Variants in DISP1 observed in about 807,000 individuals in gnomAD.
The protein encoded by DISP1 is dispatched RND transporter family member 1.
DISP1 carries 30 observed loss-of-function variants against 37.3 expected under a neutral mutation model. The ratio of observed to expected loss-of-function variants is 0.80; its 90% CI spans 0.60 to 1.09. The LOEUF (loss-of-function observed/expected upper bound fraction) is 1.09. Among genes scored for constraint, DISP1 ranks in the 50% least tolerant of loss-of-function variants. The pLI is 0.00. For missense variants in DISP1, 1,598 were observed against 1,879.5 expected, an observed-to-expected ratio of 0.85 and a Z score of 2.77; for synonymous variants, 634 against 690.2, an observed-to-expected ratio of 0.92 and a Z score of 1.28.
chr1:222,985,140 C>A (rs1350023400), intron 4 of DISP1, among the ~76,000 whole-genome samples: 1 of 152,130 alleles, frequency 6.6e-6, no homozygotes, highest in Non-Finnish European at 1.5e-5. Flanking sequence ...ATAAATAGGG[C>A]TTTTGCAAAT....
At chr1:222,964,589 G>A (rs1676329807) in intron 3 of DISP1, among the ~76,000 whole-genome samples, 2 of 152,162 alleles carry the variant, frequency 1.3e-5, no homozygotes, top group Admixed American at 1.3e-4. Flanking sequence ...ATAATCGTGA[G>A]GGTATAGGTG....
intron 1 of DISP1, among the ~76,000 whole-genome samples, chr1:222,870,701 G>A (rs1368999525): frequency 3.9e-5 from 6 of 152,022 alleles, no homozygotes; most frequent in Admixed American, 1.3e-4. Context: ...CCCTTTGTCC[G>A]ATGAGTAGAT....
At chr1:222,910,876 G>C (rs905216450) in intron 1 of DISP1, among the ~76,000 whole-genome samples, 1 of 152,200 alleles carries the variant, frequency 6.6e-6, no homozygotes, top group Non-Finnish European at 1.5e-5. Flanking sequence ...TTTGAGGGTA[G>C]TTTGGCCAGG....
chr1:222,863,889 T>C (rs1323755348), intron 1 of DISP1, among the ~76,000 whole-genome samples: 1 of 152,156 alleles, frequency 6.6e-6, no homozygotes, highest in East Asian at 1.9e-4. Context: ...AATAAGATAG[T>C]CTAGGTCCTT....
intron 1 of DISP1, among the ~76,000 whole-genome samples, chr1:222,849,382 A>G (rs1668101496): frequency 6.6e-6 from 1 of 152,200 alleles, no homozygotes; most frequent in Admixed American, 6.5e-5. Context: ...AGAAGAACGA[A>G]GTTACTTCTA....
At chr1:222,980,711 A>C (rs1258199132) in intron 3 of DISP1, among the ~76,000 whole-genome samples, 1 of 152,100 alleles carries the variant, frequency 6.6e-6, no homozygotes, top group Non-Finnish European at 1.5e-5. Flanking sequence ...AATTATCTTT[A>C]CTGTACATAT....
chr1:222,995,912 G>C (rs747937338), intron 8 of DISP1, among the ~76,000 whole-genome samples: 1 of 152,158 alleles, frequency 6.6e-6, no homozygotes, highest in Non-Finnish European at 1.5e-5. Flanking sequence ...AAGGAAAGAA[G>C]AGATCACCCA....
chr1:222,841,993 T>A (rs113814339), intron 1 of DISP1, among the ~76,000 whole-genome samples: 1 of 152,130 alleles, frequency 6.6e-6, no homozygotes, highest in African/African-American at 2.4e-5. Context: ...AAGTACCTAA[T>A]GAATTTTGAA....
chr1:222,926,645 A>G (rs1251616863), intron 1 of DISP1, among the ~76,000 whole-genome samples: 2 of 152,160 alleles, frequency 1.3e-5, no homozygotes, highest in Non-Finnish European at 2.9e-5. Flanking sequence ...GTGCATGCCT[A>G]ACAGCGCCAT....
intron 1 of DISP1, among the ~76,000 whole-genome samples, chr1:222,840,152 T>C (rs1294109409): frequency 6.6e-6 from 1 of 152,172 alleles, no homozygotes; most frequent in African/African-American, 2.4e-5. Context: ...TTCTACTGAA[T>C]GCATATTCTT....
In DISP1 at chr1:222,957,007, C is replaced by T. The variant is rs575587990; in HGVS notation, c.509+13675C>T. Among the ~76,000 whole-genome samples, 6 of 152,040 alleles carry T rather than the reference C, an allele frequency of 3.9e-5. No homozygotes were observed. In the South Asian group the frequency reaches 1.2e-3, roughly 32 times the overall value. On this transcript the variant is annotated intron_variant, in intron 3 of 8. Transcript: ENST00000675850. ...TGTGCTTTATAACCTCCAACTAAAC[C>T]ATGCAATTGTAACTTCATAGGCTAA...
At chr1:222,927,880 C>T (rs1039655331) in intron 1 of DISP1, among the ~76,000 whole-genome samples, 1 of 152,110 alleles carries the variant, frequency 6.6e-6, no homozygotes, top group Non-Finnish European at 1.5e-5. Flanking sequence ...TGAAGAAAAA[C>T]ACTTAAAACT....
chr1:222,860,561 C>T (rs1368073287), intron 1 of DISP1, among the ~76,000 whole-genome samples: 3 of 151,984 alleles, frequency 2.0e-5, no homozygotes, highest in Admixed American at 6.6e-5. Flanking sequence ...AAAGCAGTTA[C>T]GGGCATGTTA....
intron 3 of DISP1, among the ~76,000 whole-genome samples, chr1:222,972,020 C>G (rs1676995100): frequency 6.6e-6 from 1 of 152,044 alleles, no homozygotes; most frequent in Non-Finnish European, 1.5e-5. Context: ...TTTTGAACAA[C>G]TTATTTGTGT....
chr1:222,953,780 T>C (rs529700670), intron 3 of DISP1, among the ~76,000 whole-genome samples: 2 of 152,324 alleles, frequency 1.3e-5, no homozygotes, highest in South Asian at 2.1e-4. Context: ...GCCTATTTTT[T>C]AGAAAGACTT....
chr1:222,925,410 A>C (rs138749128), intron 1 of DISP1, among the ~76,000 whole-genome samples: 1 of 152,196 alleles, frequency 6.6e-6, no homozygotes, highest in African/African-American at 2.4e-5. Context: ...AATACTGTTC[A>C]GATGATCAAA....
At chr1:222,927,919 C>T (rs1411507251) in intron 1 of DISP1, among the ~76,000 whole-genome samples, 3 of 152,164 alleles carry the variant, frequency 2.0e-5, no homozygotes, top group Non-Finnish European at 4.4e-5. Context: ...AAGATTCTAC[C>T]TCTTTTTAAA....
intron 1 of DISP1, among the ~76,000 whole-genome samples, chr1:222,868,838 A>G (rs1388338120): frequency 6.6e-6 from 1 of 152,156 alleles, no homozygotes; most frequent in Non-Finnish European, 1.5e-5. Flanking sequence ...TATATTCTTG[A>G]TTCACATAAT....
intron 1 of DISP1, among the ~76,000 whole-genome samples, chr1:222,910,758 T>A (rs2378615): frequency 0.17 from 26,093 of 152,082 alleles, 2,327 homozygotes; most frequent in Admixed American, 0.24. Context: ...AAAAGGAAAT[T>A]TAGGTGTACC....
Sources: gnomAD v4.1 joint callset for allele counts (sites outside exome capture counted in the v4.1 genomes callset) on GRCh38, gnomAD v4.1.1 for gene constraint, MANE v1.5 for transcripts, NCBI Gene and HGNC (gene_info 2026-07-23, HGNC 2026-07-21) for gene names.